RBPMS: variants seen among roughly 807,000 people sequenced by gnomAD.
The protein encoded by RBPMS is RNA-binding protein with multiple splicing.
RBPMS carries 7 observed loss-of-function variants against 26.8 expected under a neutral mutation model. That is an observed-to-expected ratio of 0.26 (90% CI 0.15 to 0.49). RBPMS has a LOEUF of 0.49. RBPMS is among the 20% of genes least tolerant of loss of function. The pLI, the probability that RBPMS is intolerant of heterozygous loss-of-function variation, is 0.98. For missense variants in RBPMS, 186 were observed against 250.0 expected (o/e 0.74, Z 1.73); for synonymous variants, 96 against 93.3 (o/e 1.03, Z -0.17).
intron 5 of RBPMS, among the ~76,000 whole-genome samples, chr8:30,513,797 A>G (rs1335770377): frequency 6.6e-6 from 1 of 152,044 alleles, no homozygotes; most frequent in Non-Finnish European, 1.5e-5. Context: ...ACCATTTCTC[A>G]CCTCACTTGC....
intron 1 of RBPMS, among the ~76,000 whole-genome samples, chr8:30,469,557 C>T (rs1378605121): frequency 2.0e-5 from 3 of 152,250 alleles, no homozygotes; most frequent in Non-Finnish European, 4.4e-5. Flanking sequence ...TTTTGAGTCT[C>T]TTTGGGACAA....
intron 4 of RBPMS, among the ~76,000 whole-genome samples, chr8:30,501,052 CAG>C (rs1197684935): frequency 2.0e-5 from 3 of 152,086 alleles, no homozygotes; most frequent in Non-Finnish European, 4.4e-5. Flanking sequence ...GATTCCATCT[CAG>C]AGCTACTGAA....
chr8:30,431,357 C>T (rs76345622), intron 1 of RBPMS, among the ~76,000 whole-genome samples: 5,859 of 148,210 alleles, frequency 0.04, 277 homozygotes, highest in African/African-American at 0.12. Context: ...TTTTTTCTTT[C>T]TCTTTCTTTC....
chr8:30,556,768 T>TCC (rs1826959481), intron 6 of RBPMS: 1 of 985,848 alleles, frequency 1.0e-6, no homozygotes, highest in Non-Finnish European at 1.2e-6. Flanking sequence ...GCAAGTGGAT[T>TCC]CAGATGCACC....
At chr8:30,413,191 GCCTCAGCCT>G (rs1051949424) in intron 1 of RBPMS, among the ~76,000 whole-genome samples, 1 of 152,106 alleles carries the variant, frequency 6.6e-6, no homozygotes, top group African/African-American at 2.4e-5. Context: ...TGATTCTCCT[GCCTCAGCCT>G]CCTGAGTAGC....
chr8:30,394,079 C>A (rs527790968), intron 1 of RBPMS, among the ~76,000 whole-genome samples: 6 of 26,074 alleles, frequency 2.3e-4, no homozygotes, highest in Admixed American at 8.8e-4. Context: ...AGTATTGTTA[C>A]ACAAATTTAA....
chr8:30,562,256 G>A (rs141205550), intron 7 of RBPMS: 1,830 of 155,212 alleles, frequency 0.012, 29 homozygotes, highest in African/African-American at 0.039. Context: ...GCTTGAACCC[G>A]GGAGGCAGAG....
At chr8:30,537,108 AG>A (rs960888406) in intron 5 of RBPMS, among the ~76,000 whole-genome samples, 1 of 152,202 alleles carries the variant, frequency 6.6e-6, no homozygotes, top group African/African-American at 2.4e-5. Flanking sequence ...GATGAGTAAG[AG>A]TAGGTAATAG....
chr8:30,503,620 G>C (rs1820789791), intron 4 of RBPMS, among the ~76,000 whole-genome samples: 1 of 151,786 alleles, frequency 6.6e-6, no homozygotes. Flanking sequence ...GGGATGCTTT[G>C]GAGCCCTCAG....
intron 6 of RBPMS, chr8:30,549,671 C>T: frequency 1.0e-6 from 1 of 998,360 alleles, no homozygotes; most frequent in East Asian, 2.4e-5. Context: ...CAGCGCCAGC[C>T]TCCTGTGAGA....
At chr8:30,441,896 T>G (rs574282466) in intron 1 of RBPMS, among the ~76,000 whole-genome samples, 1 of 152,304 alleles carries the variant, frequency 6.6e-6, no homozygotes, top group South Asian at 2.1e-4. Flanking sequence ...TTCAAGCGAT[T>G]CTCCTGCCTC....
intron 1 of RBPMS, chr8:30,453,740 C>CT (rs1814882156): frequency 6.6e-6 from 1 of 152,156 alleles, no homozygotes; most frequent in African/African-American, 2.4e-5. Flanking sequence ...AGAAAATCTT[C>CT]CCAACGATCT....
intron 8 of RBPMS, among the ~76,000 whole-genome samples, chr8:30,568,950 C>T (rs745558461): frequency 3.9e-5 from 6 of 152,186 alleles, no homozygotes; most frequent in Non-Finnish European, 5.9e-5. Context: ...GACTTGCTCC[C>T]GCCCTCCTCC....
intron 4 of RBPMS, among the ~76,000 whole-genome samples, chr8:30,485,227 AT>A (rs1818658233): frequency 6.6e-6 from 1 of 152,224 alleles, no homozygotes; most frequent in Non-Finnish European, 1.5e-5. Flanking sequence ...TGATCTTAAT[AT>A]TTGTACAGCT....
At chr8:30,536,707 A>G (rs1490884683) in intron 5 of RBPMS, among the ~76,000 whole-genome samples, 2 of 152,190 alleles carry the variant, frequency 1.3e-5, no homozygotes, top group African/African-American at 4.8e-5. Context: ...ATACTTCCTG[A>G]AACACTTTTT....
At chr8:30,448,094 T>G (rs970990473) in intron 1 of RBPMS, among the ~76,000 whole-genome samples, 2 of 152,208 alleles carry the variant, frequency 1.3e-5, no homozygotes, top group African/African-American at 4.8e-5. Flanking sequence ...AAACAAAAAT[T>G]ATTAGATGGT....
intron 7 of RBPMS, among the ~76,000 whole-genome samples, chr8:30,560,697 G>T (rs775793939): frequency 6.6e-6 from 1 of 152,128 alleles, no homozygotes; most frequent in Non-Finnish European, 1.5e-5. Flanking sequence ...AAGATTCTCA[G>T]AGCCTTTATT....
intron 5 of RBPMS, among the ~76,000 whole-genome samples, chr8:30,516,681 A>G (rs773015463): frequency 1.3e-5 from 2 of 152,230 alleles, no homozygotes; most frequent in Non-Finnish European, 2.9e-5. Context: ...AGGCATTTAT[A>G]AAATTTTTTA....
rs1208028039 is a variant in RBPMS at position 30,511,482 on chromosome 8, AAAAAATATATAT to A, written c.397+7048_397+7059del. ...TTAAAACAAAAAAAGAAAAAAAAAA[AAAAAATATATAT>A]ATATATATATATATATATATATATA... On this transcript the variant is annotated intron_variant, in intron 5 of 8. Coordinates refer to ENST00000397323, the MANE Select transcript of RBPMS (RefSeq NM_001008710.3). 5.3e-3 allele frequency among the ~76,000 whole-genome samples: 36 copies of A among 6,786 alleles called. 1 individual carries two copies. The highest frequency in any genetic ancestry group is 0.025 in the Admixed American group (6 of 242). The allele number at this position is 6,786 out of a possible 152,430, so 4.5% of individuals were successfully genotyped here.
Sources: allele counts gnomAD v4.1 joint callset (sites outside exome capture counted in the v4.1 genomes callset), GRCh38; gene constraint gnomAD v4.1.1; transcripts MANE v1.5; gene names NCBI Gene and HGNC (gene_info 2026-07-23, HGNC 2026-07-21).